The following PTPRG variants were observed in gnomAD, a reference collection of about 807,000 sequenced individuals.
The protein encoded by PTPRG is protein tyrosine phosphatase receptor type G.
Under a neutral mutation model 165.3 loss-of-function variants are expected in PTPRG, and 102 were observed. The ratio of observed to expected loss-of-function variants is 0.62; its 90% CI spans 0.53 to 0.73. The LOEUF is 0.73. PTPRG is among the 30% of genes least tolerant of loss of function. The pLI, the probability that PTPRG is intolerant of heterozygous loss-of-function variation, is 0.00. For synonymous variants in PTPRG, 675 were observed against 669.5 expected (o/e 1.01, Z -0.13); for missense variants, 1,866 against 1,861.4 (o/e 1.00, Z -0.05).
intron 6 of PTPRG, among the ~76,000 whole-genome samples, chr3:62,146,972 T>C (rs1237574745): frequency 6.6e-6 from 1 of 152,168 alleles, no homozygotes; most frequent in African/African-American, 2.4e-5. Flanking sequence ...CTACGTTGGG[T>C]GCTGGGGATA....
chr3:61,808,932 A>T (rs949302403), intron 2 of PTPRG, among the ~76,000 whole-genome samples: 10 of 150,544 alleles, frequency 6.6e-5, no homozygotes, highest in Non-Finnish European at 1.3e-4. Context: ...TAAAATTTTT[A>T]AAAAATTATT....
At chr3:61,610,988 T>C (rs1247604877) in intron 1 of PTPRG, among the ~76,000 whole-genome samples, 1 of 152,100 alleles carries the variant, frequency 6.6e-6, no homozygotes, top group Non-Finnish European at 1.5e-5. Flanking sequence ...AAAACTATTT[T>C]TAGTAGAGAT....
At chr3:61,588,494 C>T (rs1306376563) in intron 1 of PTPRG, among the ~76,000 whole-genome samples, 1 of 147,408 alleles carries the variant, frequency 6.8e-6, no homozygotes, top group Non-Finnish European at 1.5e-5. Flanking sequence ...GCCTCAGCCT[C>T]TGGAGCAGTG....
intron 2 of PTPRG, among the ~76,000 whole-genome samples, chr3:61,963,797 G>T (rs1014692213): frequency 6.6e-6 from 1 of 151,930 alleles, no homozygotes; most frequent in African/African-American, 2.4e-5. Context: ...CTTGTCCTTT[G>T]GGAGAAAATT....
intron 21 of PTPRG, among the ~76,000 whole-genome samples, chr3:62,272,381 T>C (rs2148874327): frequency 6.6e-6 from 1 of 152,358 alleles, no homozygotes; most frequent in South Asian, 2.1e-4. Flanking sequence ...TCAGCCACAG[T>C]AAATGACTTT....
intron 2 of PTPRG, among the ~76,000 whole-genome samples, chr3:61,890,412 G>GTTTTTTTTTTT (rs1388100597): frequency 3.2e-4 from 31 of 95,420 alleles, no homozygotes; most frequent in South Asian, 1.5e-3. Context: ...CTTGTTCTTT[G>GTTTTTTTTTTT]TTTTTTTTTT....
chr3:62,036,578 C>A (rs1459876255), intron 4 of PTPRG, among the ~76,000 whole-genome samples: 3 of 152,192 alleles, frequency 2.0e-5, no homozygotes, highest in African/African-American at 7.2e-5. Flanking sequence ...TTTAGGCATG[C>A]TTTTGCCTCA....
Position 62,243,917 on chromosome 3 carries a change from T to C in PTPRG, c.2467+19T>C. ...ATTCCGGGTAAGTAAGACACTGCTC[T>C]TATTTCCAATGGGCTAATTGTTTTT... On this transcript the variant is annotated intron_variant, in intron 15 of 29. Transcript: ENST00000474889. 7.5e-7 allele frequency: 1 copy of C among 1,332,444 alleles called. No homozygotes were observed. The allele number at this position is 1,332,444 out of a possible 1,614,324, so 82.5% of individuals were successfully genotyped here.
Position 61,916,605 on chromosome 3 carries a change from C to T in PTPRG, c.191-73020C>T, listed in dbSNP as rs1333181216. Among the ~76,000 whole-genome samples, 4 of 152,218 alleles carry T rather than the reference C, an allele frequency of 2.6e-5. No homozygotes were observed. The South Asian group carries it at 8.3e-4, about 32-fold the overall frequency. On this transcript the variant is annotated intron_variant, in intron 2 of 29. Coordinates refer to ENST00000474889, the MANE Select transcript of PTPRG (RefSeq NM_002841.4). ...TTCATAGATGCCTATTCGATTGTTT[C>T]TCTTTAAATCTGTTATTGTTATTAT...
At chr3:61,995,756 T>TCTCTCC (rs2041026615) in intron 3 of PTPRG, among the ~76,000 whole-genome samples, 1 of 110,638 alleles carries the variant, frequency 9.0e-6, no homozygotes, top group African/African-American at 3.6e-5. Flanking sequence ...TCCCTCCCTC[T>TCTCTCC]CTCCCTCCCT....
chr3:61,889,337 G>A (rs2038141880), intron 2 of PTPRG, among the ~76,000 whole-genome samples: 1 of 152,082 alleles, frequency 6.6e-6, no homozygotes, highest in Admixed American at 6.5e-5. Context: ...CTTATTCGGT[G>A]GGTTATAATA....
intron 2 of PTPRG, among the ~76,000 whole-genome samples, chr3:61,899,871 A>G (rs953676942): frequency 6.6e-5 from 10 of 152,216 alleles, no homozygotes; most frequent in African/African-American, 1.9e-4. Flanking sequence ...GTGTAACCCC[A>G]GGAAAATCAC....
intron 1 of PTPRG, among the ~76,000 whole-genome samples, chr3:61,731,349 C>CTTTTTT (rs543374959): frequency 7.6e-6 from 1 of 132,196 alleles, no homozygotes; most frequent in African/African-American, 2.8e-5. Context: ...TTCCTTTTTC[C>CTTTTTT]TTTTTTTTTT....
At chr3:62,170,559 C>T (rs1169182245) in intron 8 of PTPRG, among the ~76,000 whole-genome samples, 1 of 152,092 alleles carries the variant, frequency 6.6e-6, no homozygotes, top group Admixed American at 6.6e-5. Flanking sequence ...GTTAAATTGT[C>T]AAAGTAGGCA....
At chr3:61,723,449 C>G (rs1203744092) in intron 1 of PTPRG, among the ~76,000 whole-genome samples, 1 of 151,964 alleles carries the variant, frequency 6.6e-6, no homozygotes, top group Non-Finnish European at 1.5e-5. Flanking sequence ...AAAGGGAAAC[C>G]CCCATGGTTT....
At position 62,273,687 on chromosome 3, in the gene PTPRG, G is replaced by C. The variant is rs748044201; in HGVS notation, c.3319-11G>C. The stretch of plus-strand genomic sequence containing the variant: ...ACTCCCTCAGTGACTACCATGTATT[G>C]TACCTCTTAGGAGCAGTACATTTTC... On this transcript the variant is annotated splice_polypyrimidine_tract_variant and intron_variant, in intron 22 of 29. Transcript: ENST00000474889. This position sits in a 1 kb window ranked among gnomAD's most constrained non-coding sequence, Gnocchi z 4.1. 1.2e-6 allele frequency: 2 copies of C among 1,612,948 alleles called. No individual in the cohort carries two copies. The highest frequency in any genetic ancestry group is 8.5e-7 in the Non-Finnish European group (1 of 1,179,168).
chr3:61,962,796 A>C lies in PTPRG; in HGVS notation c.191-26829A>C, dbSNP rs143534142. Among the ~76,000 whole-genome samples, 196 of 152,330 alleles carry C rather than the reference A, an allele frequency of 1.3e-3. 5 individuals carry two copies. In the East Asian group the frequency reaches 0.031, roughly 24 times the overall value. ...GACACCAAAGAGAGCTGTTTAGATA[A>C]GATCTGTGTTTTTACGGTACTCATA... is the stretch of plus-strand genomic sequence containing the variant. On this transcript the variant is annotated intron_variant, in intron 2 of 29. Coordinates refer to ENST00000474889, the MANE Select transcript of PTPRG (RefSeq NM_002841.4).
intron 1 of PTPRG, among the ~76,000 whole-genome samples, chr3:61,615,008 T>C (rs28752125): frequency 6.6e-6 from 1 of 152,188 alleles, no homozygotes; most frequent in African/African-American, 2.4e-5. Flanking sequence ...GTTATAGTTT[T>C]AAAAAGATGG....
intron 2 of PTPRG, among the ~76,000 whole-genome samples, chr3:61,806,568 A>G (rs1159449608): frequency 6.7e-6 from 1 of 149,696 alleles, no homozygotes; most frequent in East Asian, 2.0e-4. Context: ...TTCTGGATTT[A>G]TATTGCATCT....
Sources: gnomAD v4.1 joint callset for allele counts (sites outside exome capture counted in the v4.1 genomes callset) on GRCh38, gnomAD v4.1.1 for gene constraint, Gnocchi (gnomAD v3.1) non-coding constraint, MANE v1.5 for transcripts, NCBI Gene and HGNC (gene_info 2026-07-23, HGNC 2026-07-21) for gene names.